The following ARFIP1 variants were observed in gnomAD, a reference collection of about 807,000 sequenced individuals.
The protein encoded by ARFIP1 is arfaptin-1.
Under a neutral mutation model 42.5 loss-of-function variants are expected in ARFIP1, and 24 were observed. The observed-to-expected ratio is 0.57, with a 90% CI of 0.41 to 0.80. The LOEUF (loss-of-function observed/expected upper bound fraction) is 0.80, where lower values mean the gene tolerates loss of function less well. Among genes scored for constraint, ARFIP1 ranks in the 30% least tolerant of loss-of-function variants. ARFIP1 has a pLI of 0.00. For missense variants in ARFIP1, 354 were observed against 434.0 expected (o/e 0.82, Z 1.64); for synonymous variants, 141 against 153.7 (o/e 0.92, Z 0.61).
At chr4:152,810,568 G>A (rs534754267) in intron 1 of ARFIP1, among the ~76,000 whole-genome samples, 1 of 152,110 alleles carries the variant, frequency 6.6e-6, no homozygotes, top group South Asian at 2.1e-4. Flanking sequence ...CAGTATTTCG[G>A]GAGGCTGAGG....
At chr4:152,891,866 C>G (rs761398446) in intron 8 of ARFIP1, among the ~76,000 whole-genome samples, 12 of 152,058 alleles carry the variant, frequency 7.9e-5, no homozygotes, top group Non-Finnish European at 1.6e-4. Flanking sequence ...TGCCATCATG[C>G]CCAGTTAATT....
In ARFIP1 at chr4:152,882,767, A is replaced by G. The variant is rs1387274359; in HGVS notation, c.678A>G (p.Lys226=). The G allele has an allele frequency of 1.9e-6, 3 of 1,613,438 alleles. No individual in the cohort carries two copies. Among genetic ancestry groups the G allele is most frequent in the Non-Finnish European group, 2.5e-6 (3 of 1,179,666 alleles). Residue 226 remains lysine, a synonymous_variant, in exon 7 of 9, where the codon AAA becomes AAG. Coordinates refer to ENST00000353617, the MANE Select transcript of ARFIP1 (RefSeq NM_001025595.3). ...CCGATACCCAGAAACTGCTGGCTAAAAATGGAGAGACTCTTCTTGGGGCCA... is the reference window on the plus strand; with the variant it reads ...CCGATACCCAGAAACTGCTGGCTAAGAATGGAGAGACTCTTCTTGGGGCCA... The part of the protein sequence containing the change: ...YNADTQKLLA[K]NGETLLGAIN...
chr4:152,897,485 A>G (rs1250508071), intron 8 of ARFIP1, among the ~76,000 whole-genome samples: 1 of 152,092 alleles, frequency 6.6e-6, no homozygotes, highest in African/African-American at 2.4e-5. Context: ...GTACTTACAT[A>G]TTTTCTAACC....
intron 1 of ARFIP1, among the ~76,000 whole-genome samples, chr4:152,817,584 A>C (rs1300737962): frequency 6.6e-6 from 1 of 152,240 alleles, no homozygotes; most frequent in Non-Finnish European, 1.5e-5. Context: ...AGCACAAGCA[A>C]CAAAAGTAAA....
Position 152,888,168 on chromosome 4 carries a change from A to G in ARFIP1, c.827A>G (p.Glu276Gly), listed in dbSNP as rs1030779383. The G allele has an allele frequency of 1.2e-6, 2 of 1,611,370 alleles. No individual in the cohort carries two copies. Among genetic ancestry groups the G allele is most frequent in the African/African-American group, 2.7e-5 (2 of 74,788 alleles). Residue 276 changes from glutamate to glycine, a missense_variant, in exon 8 of 9, where the codon GAA becomes GGA. Coordinates refer to ENST00000353617, the MANE Select transcript of ARFIP1 (RefSeq NM_001025595.3). ...GATGCATATCGCACTGATTTGGAAG[A>G]ACTGAATCTTGGACCACGTGACGCA... Reference protein sequence around the residue: ...EYDAYRTDLEELNLGPRDANT... With the variant: ...EYDAYRTDLEGLNLGPRDANT...
chr4:152,829,763 A>T (rs577802620), intron 2 of ARFIP1, 37 bp downstream of exon 2: 1 of 1,480,090 alleles, frequency 6.8e-7, no homozygotes, highest in Non-Finnish European at 9.2e-7. Context: ...GCAAAGAATC[A>T]TGGTAAGTCT....
At chr4:152,801,889 T>C (rs1578826111) in intron 1 of ARFIP1, among the ~76,000 whole-genome samples, 1 of 152,252 alleles carries the variant, frequency 6.6e-6, no homozygotes, top group East Asian at 1.9e-4. Flanking sequence ...ATTTTATAAA[T>C]GAGGAAACAA....
At position 152,829,702 on chromosome 4, in the gene ARFIP1, C is replaced by T. The variant is rs1318254960; in HGVS notation, c.69C>T (p.Asp23=). 6.2e-7 allele frequency: 1 copy of T among 1,609,526 alleles called. No homozygotes were observed. Among genetic ancestry groups the T allele is most frequent in the Non-Finnish European group, 8.5e-7 (1 of 1,177,558 alleles). The change falls in exon 2 of 9, where the codon GAC becomes GAT. Residue 23 remains aspartate, a synonymous_variant. Transcript: ENST00000353617. Reference sequence around the variant, plus strand: ...TGACTAGTAATGGAGAAGTTGATGACTCTCGTGAACATAGCTTTAATAGGG... The same window carrying T: ...TGACTAGTAATGGAGAAGTTGATGATTCTCGTGAACATAGCTTTAATAGGG... ...IPVTSNGEVD[D]SREHSFNRDL... is the part of the protein sequence containing the mutation.
intron 2 of ARFIP1, among the ~76,000 whole-genome samples, chr4:152,860,392 T>A (rs1264957497): frequency 2.0e-5 from 3 of 152,196 alleles, no homozygotes; most frequent in Non-Finnish European, 4.4e-5. Flanking sequence ...AAATAATGGA[T>A]GCATTTGAAA....
At chr4:152,900,646 C>T (rs1221944687) in intron 8 of ARFIP1, among the ~76,000 whole-genome samples, 1 of 152,102 alleles carries the variant, frequency 6.6e-6, no homozygotes, top group East Asian at 1.9e-4. Flanking sequence ...AATTATACTC[C>T]ACAAACCTAA....
At chr4:152,909,925 G>A in intron 8 of ARFIP1, 139 bp from the exon 9 acceptor site, 2 of 1,062,672 alleles carry the variant, frequency 1.9e-6, no homozygotes, top group East Asian at 2.4e-5. Context: ...CACTTGGTAT[G>A]TGTGAAATAC....
intron 1 of ARFIP1, among the ~76,000 whole-genome samples, chr4:152,789,633 T>A (rs1422289488): frequency 1.3e-5 from 2 of 152,228 alleles, no homozygotes; most frequent in Non-Finnish European, 2.9e-5. Flanking sequence ...TAAGAGTTTT[T>A]TGTCTATTCT....
intron 1 of ARFIP1, among the ~76,000 whole-genome samples, chr4:152,807,965 T>G (rs192171426): frequency 6.6e-6 from 1 of 152,212 alleles, no homozygotes; most frequent in Non-Finnish European, 1.5e-5. Flanking sequence ...TGCTGAACAT[T>G]ATGTCTGTGA....
chr4:152,797,266 T>C (rs962066185), intron 1 of ARFIP1, among the ~76,000 whole-genome samples: 3 of 152,226 alleles, frequency 2.0e-5, no homozygotes, highest in Non-Finnish European at 4.4e-5. Context: ...ACCTTTGTTA[T>C]TTACTAAATT....
At chr4:152,784,206 A>AT (rs1374937033) in intron 1 of ARFIP1, among the ~76,000 whole-genome samples, 1 of 152,240 alleles carries the variant, frequency 6.6e-6, no homozygotes, top group Non-Finnish European at 1.5e-5. Context: ...TAAAAGTCAG[A>AT]TATGTAGCAC....
chr4:152,855,586 C>G (rs929828925), intron 2 of ARFIP1, among the ~76,000 whole-genome samples: 1 of 152,230 alleles, frequency 6.6e-6, no homozygotes, highest in Non-Finnish European at 1.5e-5. Context: ...GCCCATGCTT[C>G]TCTTGTTTTT....
chr4:152,849,412 A>C (rs1417269468), intron 2 of ARFIP1, among the ~76,000 whole-genome samples: 1 of 152,192 alleles, frequency 6.6e-6, no homozygotes, highest in African/African-American at 2.4e-5. Flanking sequence ...GTCGTTTTTA[A>C]ATTTTTTGAA....
intron 1 of ARFIP1, chr4:152,796,583 C>T: frequency 1.2e-6 from 1 of 843,898 alleles, no homozygotes; most frequent in South Asian, 1.4e-5. Flanking sequence ...TAGGCAGGTA[C>T]TGCTCCCTGT....
At position 152,910,177 on chromosome 4, in the gene ARFIP1, A is replaced by G. The variant is rs752868481; in HGVS notation, c.1080A>G (p.Lys360=). ...QTLKQFHIKL[K]TPGVDAPSWL... is the part of the protein sequence containing the mutation. The stretch of plus-strand genomic sequence containing the variant: ...TTAAACAGTTCCATATCAAATTGAA[A>G]ACCCCTGGAGTGGATGCCCCATCTT... Residue 360 remains lysine (K), a synonymous_variant, in exon 9 of 9, where the codon AAA becomes AAG. Coordinates refer to ENST00000353617, the MANE Select transcript of ARFIP1 (RefSeq NM_001025595.3). 1 of 1,614,188 alleles carries G rather than the reference A, an allele frequency of 6.2e-7. No individual in the cohort carries two copies. The highest frequency in any genetic ancestry group is 8.5e-7 in the Non-Finnish European group (1 of 1,180,016).
Sources: allele counts gnomAD v4.1 joint callset (sites outside exome capture counted in the v4.1 genomes callset), GRCh38; gene constraint gnomAD v4.1.1; transcripts MANE v1.5; gene names NCBI Gene and HGNC (gene_info 2026-07-23, HGNC 2026-07-21).